Variants in STK3 observed in about 807,000 individuals in gnomAD.
STK3 encodes serine/threonine-protein kinase 3.
Under a neutral mutation model 58.0 loss-of-function variants are expected in STK3, and 41 were observed. That is an observed-to-expected ratio of 0.71 (90% CI 0.55 to 0.92). STK3 has a LOEUF of 0.92. STK3 is among the 40% of genes least tolerant of loss of function. The pLI is 0.00. For synonymous variants in STK3, 170 were observed against 191.0 expected, an observed-to-expected ratio of 0.89 and a Z score of 0.91; for missense variants, 479 against 602.7, an observed-to-expected ratio of 0.79 and a Z score of 2.15.
chr8:98,841,562 A>T (rs1835982961), intron 3 of STK3, among the ~76,000 whole-genome samples: 1 of 151,808 alleles, frequency 6.6e-6, no homozygotes. Flanking sequence ...ATGGTGGCTC[A>T]TGCCTGTAAC....
chr8:98,802,132 A>G (rs1418704190), intron 1 of STK3, among the ~76,000 whole-genome samples: 2 of 152,212 alleles, frequency 1.3e-5, no homozygotes, highest in African/African-American at 4.8e-5. Flanking sequence ...TGACTGTGCC[A>G]CTGCACTCCA....
intron 6 of STK3, among the ~76,000 whole-genome samples, chr8:98,625,756 T>G (rs928568116): frequency 1.3e-5 from 2 of 152,156 alleles, no homozygotes; most frequent in Non-Finnish European, 2.9e-5. Flanking sequence ...TTCCCTGTTT[T>G]AAAGTTGTGA....
chr8:98,475,049 T>C (rs543269869), intron 10 of STK3, among the ~76,000 whole-genome samples: 2 of 152,310 alleles, frequency 1.3e-5, no homozygotes, highest in East Asian at 3.9e-4. Flanking sequence ...GACATACACA[T>C]ATTCAGAAAA....
At chr8:98,412,980 G>A in intron 3 of STK3, 1 of 252,442 alleles carries the variant, frequency 4.0e-6, no homozygotes, top group South Asian at 4.5e-5. Flanking sequence ...GAAGGTCTGG[G>A]ACTAGTCCTT....
chr8:98,636,262 G>T (rs1819610899), intron 6 of STK3, among the ~76,000 whole-genome samples: 2 of 151,986 alleles, frequency 1.3e-5, no homozygotes, highest in African/African-American at 4.8e-5. Context: ...TCAGCAAGTA[G>T]AAAAGCTAGG....
At chr8:98,738,356 C>T (rs1587467705) in intron 4 of STK3, among the ~76,000 whole-genome samples, 1 of 151,952 alleles carries the variant, frequency 6.6e-6, no homozygotes, top group South Asian at 2.1e-4. Context: ...GCTTATAATC[C>T]CAGCTACTAG....
rs1838864617 is a variant in STK3, at chr8:98,905,565, T to G, written c.-78-21731A>C. On this transcript the variant is annotated intron_variant, in intron 1 of 1. Coordinates refer to the STK3 transcript ENST00000519420. ...GTCTTCTATGTGTACAAAGCCGTAGTTCTTAATGATGTCACATTCCAGCAC... is the reference window on the plus strand; with the variant it reads ...GTCTTCTATGTGTACAAAGCCGTAGGTCTTAATGATGTCACATTCCAGCAC... The G allele has an allele frequency of 3.7e-6, 4 of 1,084,812 alleles. No homozygotes were observed. In the South Asian group the frequency reaches 5.0e-5, roughly 13 times the overall value. 67.2% of individuals were successfully genotyped at this position (1,084,812 alleles called of 1,614,324 possible).
At chr8:98,685,135 T>C (rs1158192414) in intron 6 of STK3, among the ~76,000 whole-genome samples, 1 of 152,178 alleles carries the variant, frequency 6.6e-6, no homozygotes, top group Non-Finnish European at 1.5e-5. Flanking sequence ...AGAGAAATAT[T>C]GCATTTGTCA....
intron 3 of STK3, among the ~76,000 whole-genome samples, chr8:98,760,843 C>A (rs1830572466): frequency 6.6e-6 from 1 of 151,568 alleles, no homozygotes; most frequent in Non-Finnish European, 1.5e-5. Context: ...TCTAGTATCA[C>A]AACTCAAAAT....
intron 1 of STK3, among the ~76,000 whole-genome samples, chr8:98,917,744 G>GCTT (rs1839397317): frequency 6.6e-6 from 1 of 152,122 alleles, no homozygotes; most frequent in Non-Finnish European, 1.5e-5. Context: ...AACAAGCTAA[G>GCTT]ACATCATCCA....
At chr8:98,491,259 T>C (rs1563659558) in intron 10 of STK3, among the ~76,000 whole-genome samples, 1 of 152,096 alleles carries the variant, frequency 6.6e-6, no homozygotes, top group Non-Finnish European at 1.5e-5. Context: ...ACACTTATTT[T>C]GTAATTTGGT....
intron 10 of STK3, among the ~76,000 whole-genome samples, chr8:98,459,703 A>T (rs1444672599): frequency 6.6e-6 from 1 of 152,190 alleles, no homozygotes; most frequent in Non-Finnish European, 1.5e-5. Flanking sequence ...CATCCCAGCC[A>T]TTTCAGTTCC....
chr8:98,732,949 C>G (rs1243981011), intron 4 of STK3, among the ~76,000 whole-genome samples: 1 of 152,082 alleles, frequency 6.6e-6, no homozygotes, highest in Non-Finnish European at 1.5e-5. Context: ...GAGCCATCAA[C>G]CTAAAATGTG....
At chr8:98,665,430 C>T (rs901087040) in intron 6 of STK3, among the ~76,000 whole-genome samples, 1 of 152,048 alleles carries the variant, frequency 6.6e-6, no homozygotes, top group African/African-American at 2.4e-5. Context: ...GGGGTCTTGC[C>T]CTGCTGCCTA....
chr8:98,404,357 C>T (rs1405746467), intron 3 of STK3, among the ~76,000 whole-genome samples: 14 of 151,976 alleles, frequency 9.2e-5, no homozygotes, highest in South Asian at 2.1e-4. Context: ...GACAACATAG[C>T]GAGACTCCAT....
intron 8 of STK3, among the ~76,000 whole-genome samples, chr8:98,556,412 T>G (rs1811592959): frequency 6.6e-6 from 1 of 151,768 alleles, no homozygotes; most frequent in Non-Finnish European, 1.5e-5. Context: ...TGAGAATGGG[T>G]AGAAAGAACA....
At chr8:98,854,883 C>T (rs917451101) in intron 3 of STK3, among the ~76,000 whole-genome samples, 114 of 152,152 alleles carry the variant, frequency 7.5e-4, no homozygotes, top group African/African-American at 2.3e-3. Flanking sequence ...ATGGCGAAAC[C>T]CCGTCTCTAC....
intron 3 of STK3, among the ~76,000 whole-genome samples, chr8:98,766,042 T>C (rs1464226951): frequency 6.6e-6 from 1 of 152,174 alleles, no homozygotes; most frequent in Non-Finnish European, 1.5e-5. Flanking sequence ...TTTCTACCTG[T>C]CATCCCCTTG....
chr8:98,574,130 TATAG>T lies in STK3; in HGVS notation c.948+5530_948+5533del, dbSNP rs1221592107. Among the ~76,000 whole-genome samples the T allele has an allele frequency of 6.6e-5, 10 of 152,222 alleles. No individual in the cohort carries two copies. The East Asian group carries it at 1.9e-3, about 30-fold the overall frequency. ...CAGCCAAACCATATCAACTGTTGGCTATAGGAACCAGAAAAGTAACAGGAAAAGT... is the reference window on the plus strand; with the variant it reads ...CAGCCAAACCATATCAACTGTTGGCTGAACCAGAAAAGTAACAGGAAAAGT... On this transcript the variant is annotated intron_variant, in intron 8 of 10. Transcript: ENST00000419617.
Sources: allele counts gnomAD v4.1 joint callset (sites outside exome capture counted in the v4.1 genomes callset), GRCh38; gene constraint gnomAD v4.1.1; transcripts MANE v1.5; gene names NCBI Gene and HGNC (gene_info 2026-07-23, HGNC 2026-07-21).